Variants in PWWP2A observed in about 807,000 individuals in gnomAD.
PWWP2A encodes the protein PWWP domain containing 2A.
PWWP2A carries 18 observed loss-of-function variants against 48.5 expected under a neutral mutation model. The ratio of observed to expected loss-of-function variants is 0.37; its 90% CI spans 0.26 to 0.55. The LOEUF (loss-of-function observed/expected upper bound fraction) is 0.55. Among genes scored for constraint, PWWP2A ranks in the 20% least tolerant of loss-of-function variants. The pLI is 0.81. For missense variants in PWWP2A, 867 were observed against 976.4 expected, an observed-to-expected ratio of 0.89 and a Z score of 1.49; for synonymous variants, 396 against 387.7, an observed-to-expected ratio of 1.02 and a Z score of -0.25.
chr5:160,074,940 T>C (rs930969469), downstream of PWWP2A, among the ~76,000 whole-genome samples: 4 of 99,704 alleles, frequency 4.0e-5, no homozygotes, highest in Admixed American at 9.6e-5. Flanking sequence ...CTCTATTATT[T>C]AAATTAAAAA....
chr5:160,045,520 A>ACACACACTCTCTCTCTCT, the PWWP2A span, among the ~76,000 whole-genome samples: 1 of 54,884 alleles, frequency 1.8e-5, no homozygotes, highest in Non-Finnish European at 3.3e-5. Context: ...ACACATACAC[A>ACACACACTCTCTCTCTCT]CTCTCTCTCT....
chr5:160,108,463 C>T (rs1457570641), intron 1 of PWWP2A: 3 of 570,760 alleles, frequency 5.3e-6, no homozygotes, highest in African/African-American at 3.9e-5. Context: ...TGTACCACAA[C>T]ACAATCATTC....
chr5:160,095,848 C>T (rs1755595667), intron 1 of PWWP2A, among the ~76,000 whole-genome samples: 1 of 152,046 alleles, frequency 6.6e-6, no homozygotes, highest in Non-Finnish European at 1.5e-5. Flanking sequence ...ACACACGTCA[C>T]CATGCCTGGC....
At chr5:160,100,852 C>T (rs1489904235) in intron 1 of PWWP2A, among the ~76,000 whole-genome samples, 2 of 152,074 alleles carry the variant, frequency 1.3e-5, no homozygotes, top group Non-Finnish European at 2.9e-5. Flanking sequence ...AATGGAATTA[C>T]GATACAATCC....
chr5:160,114,851 C>T (rs572895428), intron 1 of PWWP2A, among the ~76,000 whole-genome samples: 1 of 150,830 alleles, frequency 6.6e-6, no homozygotes, highest in Non-Finnish European at 1.5e-5. Flanking sequence ...TTAAAATTAG[C>T]CAGGTGTGGC....
chr5:160,115,949 A>G lies in PWWP2A; in HGVS notation c.584+2856T>C, dbSNP rs529296969. ...AGTGCGAATTACAAAATATACTGGC[A>G]GGTCCATTTTTCCAGATTAAACTGT... On this transcript the variant is annotated intron_variant, in intron 1 of 1. Transcript: ENST00000307063. Among the ~76,000 whole-genome samples the G allele has an allele frequency of 1.1e-4, 16 of 152,290 alleles. No homozygotes were observed. The South Asian group carries it at 3.3e-3, about 32-fold the overall frequency.
chr5:160,063,025 A>G (rs1753475795), intron 5 of PWWP2A, among the ~76,000 whole-genome samples: 1 of 152,182 alleles, frequency 6.6e-6, no homozygotes, highest in Admixed American at 6.5e-5. Context: ...AAGCAGCAGC[A>G]CAGAACGTGT....
intron 1 of PWWP2A, 69 bp downstream of exon 1, chr5:160,118,736 G>C: frequency 7.5e-7 from 1 of 1,334,662 alleles, no homozygotes; most frequent in Non-Finnish European, 9.7e-7. Flanking sequence ...CGGGGAGAGG[G>C]GGCCGCCCGG....
Position 160,117,382 on chromosome 5 carries a change from C to T in PWWP2A, c.584+1423G>A, listed in dbSNP as rs992428175. ...TAAAAAAGATACTTGAGGCCGGGCA[C>T]GGCGGCTCATGCCTGTAATCCCAGC... On this transcript the variant is annotated intron_variant, in intron 1 of 1. Transcript: ENST00000307063. Among the ~76,000 whole-genome samples, 8 of 151,904 alleles carry T rather than the reference C, an allele frequency of 5.3e-5. 1 individual carries two copies. Among genetic ancestry groups the T allele is most frequent in the South Asian group, 4.2e-4 (2 of 4,798 alleles).
intron 2 of PWWP2A, among the ~76,000 whole-genome samples, chr5:160,069,840 A>G (rs1484550487): frequency 6.6e-6 from 1 of 152,126 alleles, no homozygotes; most frequent in Non-Finnish European, 1.5e-5. Flanking sequence ...TTAAGTTTTC[A>G]TTTTTTGCAT....
At chr5:160,045,500 A>T in the PWWP2A span, among the ~76,000 whole-genome samples, 528 of 101,628 alleles carry the variant, frequency 5.2e-3, 44 homozygotes, top group Admixed American at 0.027. Context: ...ACACACACAC[A>T]CACACACACA....
chr5:160,097,708 G>GC (rs892707877), intron 1 of PWWP2A, among the ~76,000 whole-genome samples: 28 of 119,810 alleles, frequency 2.3e-4, no homozygotes, highest in African/African-American at 8.4e-4. Flanking sequence ...TTTTTTTTTG[G>GC]GGGGGGGGGC....
At chr5:160,075,579 A>C, downstream of PWWP2A, among the ~76,000 whole-genome samples, 1 of 152,176 alleles carries the variant, frequency 6.6e-6, no homozygotes, top group East Asian at 1.9e-4. Flanking sequence ...ACCCAGCAGC[A>C]GATATTTAAT....
chr5:160,090,498 G>T, downstream of PWWP2A: 1 of 983,350 alleles, frequency 1.0e-6, no homozygotes, highest in Non-Finnish European at 1.2e-6. Context: ...TTTAAGTATA[G>T]TTGTTTCTGT....
intron 1 of PWWP2A, among the ~76,000 whole-genome samples, chr5:160,110,350 T>C (rs983911964): frequency 6.6e-6 from 1 of 152,190 alleles, no homozygotes; most frequent in Non-Finnish European, 1.5e-5. Context: ...AAAGGATTAC[T>C]GCTATTATTT....
At chr5:160,118,760 C>T (rs1012445189) in intron 1 of PWWP2A, 45 bp downstream of exon 1, 9 of 1,379,676 alleles carry the variant, frequency 6.5e-6, no homozygotes, top group African/African-American at 3.1e-5. Context: ...CACTCCCTCC[C>T]TGGGGACCCA....
chr5:160,049,278 G>A, the PWWP2A span, among the ~76,000 whole-genome samples: 77,439 of 151,986 alleles, frequency 0.51, 20,859 homozygotes, highest in East Asian at 0.62. Flanking sequence ...GCCTGCTCTC[G>A]TGCTACAATA....
At chr5:160,095,031 G>C (rs891630327) in intron 1 of PWWP2A, among the ~76,000 whole-genome samples, 2 of 90,938 alleles carry the variant, frequency 2.2e-5, no homozygotes, top group African/African-American at 8.6e-5. Context: ...CTGGGCAACA[G>C]AGCAAGACTC....
At chr5:160,084,867 T>TA (rs1754506885) in intron 2 of PWWP2A, among the ~76,000 whole-genome samples, 1 of 151,904 alleles carries the variant, frequency 6.6e-6, no homozygotes, top group South Asian at 2.1e-4. Context: ...CCACAGGCAA[T>TA]AAAAAAATTC....
Sources: gnomAD v4.1 joint callset for allele counts (sites outside exome capture counted in the v4.1 genomes callset) on GRCh38, gnomAD v4.1.1 for gene constraint, MANE v1.5 for transcripts, NCBI Gene and HGNC (gene_info 2026-07-23, HGNC 2026-07-21) for gene names.